NEDD4L: variants seen among roughly 807,000 people sequenced by gnomAD.
The protein encoded by NEDD4L is NEDD4 like E3 ubiquitin protein ligase.
NEDD4L carries 54 observed loss-of-function variants against 148.9 expected under a neutral mutation model. The observed-to-expected ratio is 0.36, with a 90% CI of 0.29 to 0.45. NEDD4L has a LOEUF of 0.45. Among genes scored for constraint, NEDD4L ranks in the 20% least tolerant of loss-of-function variants. NEDD4L has a pLI of 1.00. For missense variants in NEDD4L, 856 were observed against 1,233.8 expected, an observed-to-expected ratio of 0.69 and a Z score of 4.59; for synonymous variants, 433 against 440.7, an observed-to-expected ratio of 0.98 and a Z score of 0.22.
chr18:58,110,301 C>T (rs1012406781), intron 1 of NEDD4L, among the ~76,000 whole-genome samples: 4 of 152,196 alleles, frequency 2.6e-5, no homozygotes, highest in Non-Finnish European at 4.4e-5. Flanking sequence ...GCCAGCTCCT[C>T]TTTAAAGACT....
At chr18:58,389,263 C>A in intron 28 of NEDD4L, 71 bp downstream of exon 28, 1 of 1,137,316 alleles carries the variant, frequency 8.8e-7, no homozygotes. Context: ...TGGCGCCCTC[C>A]ATTGTGGTCT....
At chr18:58,209,536 T>C (rs2042392904) in intron 2 of NEDD4L, among the ~76,000 whole-genome samples, 1 of 129,114 alleles carries the variant, frequency 7.7e-6, no homozygotes, top group African/African-American at 3.0e-5. Context: ...ATTACTTACT[T>C]GCCTTGTGAC....
intron 2 of NEDD4L, among the ~76,000 whole-genome samples, chr18:58,219,537 G>A (rs1326686823): frequency 2.0e-5 from 3 of 152,170 alleles, no homozygotes; most frequent in Non-Finnish European, 2.9e-5. Flanking sequence ...CTGGATGTCC[G>A]GAGCCTGCGA....
chr18:58,237,342 T>C (rs907990020), intron 2 of NEDD4L, among the ~76,000 whole-genome samples: 1 of 152,222 alleles, frequency 6.6e-6, no homozygotes, highest in African/African-American at 2.4e-5. Flanking sequence ...TTTCCCCGTT[T>C]CCTTATAGCC....
At chr18:58,374,907 C>CA (rs1175988886) in intron 24 of NEDD4L, among the ~76,000 whole-genome samples, 1 of 152,158 alleles carries the variant, frequency 6.6e-6, no homozygotes, top group Non-Finnish European at 1.5e-5. Context: ...CTCCGCTCAC[C>CA]ACCAGCCTCT....
intron 2 of NEDD4L, among the ~76,000 whole-genome samples, chr18:58,184,450 C>T (rs1410469664): frequency 6.6e-6 from 1 of 151,902 alleles, no homozygotes; most frequent in African/African-American, 2.4e-5. Context: ...GTCAATCATG[C>T]CGGGCACTAG....
At chr18:58,244,965 G>C (rs555344823) in intron 2 of NEDD4L, among the ~76,000 whole-genome samples, 1 of 152,212 alleles carries the variant, frequency 6.6e-6, no homozygotes, top group Non-Finnish European at 1.5e-5. Flanking sequence ...GAAAGTGCTG[G>C]GATTACAGGT....
chr18:58,202,969 A>G (rs907819156), intron 2 of NEDD4L, among the ~76,000 whole-genome samples: 10 of 150,930 alleles, frequency 6.6e-5, no homozygotes, highest in South Asian at 2.1e-4. Flanking sequence ...GCCTCAGTAC[A>G]TACTTTTTTT....
At chr18:58,302,988 T>A (rs1423318183) in intron 5 of NEDD4L, among the ~76,000 whole-genome samples, 1 of 152,212 alleles carries the variant, frequency 6.6e-6, no homozygotes, top group Non-Finnish European at 1.5e-5. Flanking sequence ...ATTTCAGGAC[T>A]GAGACTAGGG....
intron 2 of NEDD4L, among the ~76,000 whole-genome samples, chr18:58,193,451 A>C (rs1051932735): frequency 6.6e-6 from 1 of 152,202 alleles, no homozygotes; most frequent in Admixed American, 6.5e-5. Context: ...CTGGTCACCC[A>C]GCCCTCATCA....
At chr18:58,118,867 G>A (rs748204666) in intron 1 of NEDD4L, among the ~76,000 whole-genome samples, 67 of 152,198 alleles carry the variant, frequency 4.4e-4, no homozygotes, top group African/African-American at 1.1e-3. Context: ...CTGGGTGGGC[G>A]CTGATTCCAG....
At chr18:58,141,891 A>G (rs2033550606) in intron 1 of NEDD4L, among the ~76,000 whole-genome samples, 1 of 152,008 alleles carries the variant, frequency 6.6e-6, no homozygotes, top group African/African-American at 2.4e-5. Context: ...GTCTGACGAA[A>G]CTCACAGGAG....
chr18:58,359,489 A>G (rs1430275521), intron 19 of NEDD4L, among the ~76,000 whole-genome samples: 4 of 152,188 alleles, frequency 2.6e-5, no homozygotes, highest in African/African-American at 9.7e-5. Flanking sequence ...GTTGGGTGGA[A>G]TTTTAAAACT....
rs777517791 is a variant in NEDD4L, at chr18:58,357,251, C to T, written c.1766C>T (p.Pro589Leu). Reference protein sequence around the residue: ...PRLQNPAITGPAVPYSREFKQ... With the variant: ...PRLQNPAITGLAVPYSREFKQ... ...CTGCAGAACCCAGCTATTACTGGTC[C>T]GGTCAGTATTTTCAAATTCTGCCTC... is the stretch of plus-strand genomic sequence containing the variant. Residue 589 changes from proline (P) to leucine (L), a missense_variant and splice_region_variant, in exon 19 of 31, where the codon CCG (proline) becomes CTG (leucine). Physicochemically the swap from Pro to Leu is moderately conservative, Grantham distance 98. Transcript: ENST00000400345. 2 of 1,611,888 alleles carry T rather than the reference C, an allele frequency of 1.2e-6. No homozygotes were observed. Among genetic ancestry groups the T allele is most frequent in the Non-Finnish European group, 1.7e-6 (2 of 1,178,404 alleles).
intron 2 of NEDD4L, among the ~76,000 whole-genome samples, chr18:58,201,139 C>A (rs992998153): frequency 2.6e-5 from 4 of 152,170 alleles, no homozygotes; most frequent in African/African-American, 7.2e-5. Flanking sequence ...TCGAGGCCAC[C>A]CTGGCCAACG....
chr18:58,139,348 C>A (rs1367311659), intron 1 of NEDD4L, among the ~76,000 whole-genome samples: 1 of 149,584 alleles, frequency 6.7e-6, no homozygotes, highest in Non-Finnish European at 1.5e-5. Context: ...TCAGTACCCT[C>A]AGTTACATAT....
At chr18:58,159,351 A>T (rs4941347) in intron 1 of NEDD4L, among the ~76,000 whole-genome samples, 75,051 of 151,908 alleles carry the variant, frequency 0.49, 18,757 homozygotes, top group Admixed American at 0.56. Context: ...TCCAAACTCA[A>T]GGAGTGTACA....
chr18:58,058,046 G>C (rs2082165197), intron 1 of NEDD4L, among the ~76,000 whole-genome samples: 1 of 152,160 alleles, frequency 6.6e-6, no homozygotes, highest in Non-Finnish European at 1.5e-5. Flanking sequence ...GGTGGCTCAC[G>C]CCTGTAATCC....
At chr18:58,056,612 A>T (rs4383236) in intron 1 of NEDD4L, among the ~76,000 whole-genome samples, 3 of 151,762 alleles carry the variant, frequency 2.0e-5, no homozygotes, top group Admixed American at 2.0e-4. Context: ...AGACAGTCTC[A>T]CTCTGTAGCC....
Sources: gnomAD v4.1 joint callset for allele counts (sites outside exome capture counted in the v4.1 genomes callset) on GRCh38, gnomAD v4.1.1 for gene constraint, MANE v1.5 for transcripts, NCBI Gene and HGNC (gene_info 2026-07-23, HGNC 2026-07-21) for gene names.